The following PPFIA2 variants were observed in gnomAD, a reference collection of about 807,000 sequenced individuals.
The protein encoded by PPFIA2 is PPFI scaffold protein A2, also known as liprin-alpha-2.
A neutral mutation model predicts 175.5 loss-of-function variants in PPFIA2; 46 were observed. The observed-to-expected ratio is 0.26, with a 90% CI of 0.21 to 0.34. The LOEUF (loss-of-function observed/expected upper bound fraction) is 0.34. PPFIA2 is among the 10% of genes least tolerant of loss of function. The pLI, the probability that PPFIA2 is intolerant of heterozygous loss-of-function variation, is 1.00. For missense variants in PPFIA2, 1,179 were observed against 1,506.1 expected (o/e 0.78, Z 3.60); for synonymous variants, 568 against 511.4 (o/e 1.11, Z -1.49).
chr12:81,721,689 C>T (rs563561898), intron 3 of PPFIA2, among the ~76,000 whole-genome samples: 1 of 151,312 alleles, frequency 6.6e-6, no homozygotes, highest in South Asian at 2.1e-4. Flanking sequence ...ATTTTTACTA[C>T]AAGTCTTTTA....
At chr12:81,612,801 TATGTATATGTGTGA>T in intron 4 of PPFIA2, among the ~76,000 whole-genome samples, 1 of 152,380 alleles carries the variant, frequency 6.6e-6, no homozygotes, top group East Asian at 1.9e-4. Context: ...TATATGTGTG[TATGTATATGTGTGA>T]ACATTATCTA....
At chr12:81,530,972 A>G (rs2064453309) in intron 4 of PPFIA2, among the ~76,000 whole-genome samples, 2 of 151,954 alleles carry the variant, frequency 1.3e-5, no homozygotes, top group South Asian at 4.1e-4. Context: ...AGATTTCAAT[A>G]TATTAAGTTA....
At chr12:81,719,536 C>T (rs932136581) in intron 3 of PPFIA2, among the ~76,000 whole-genome samples, 31 of 151,456 alleles carry the variant, frequency 2.0e-4, no homozygotes, top group African/African-American at 6.5e-4. Context: ...CTTCTTCTTC[C>T]TCCTTTTAAA....
chr12:81,589,299 G>T (rs1213122782), intron 4 of PPFIA2, among the ~76,000 whole-genome samples: 4 of 151,994 alleles, frequency 2.6e-5, no homozygotes, highest in Non-Finnish European at 5.9e-5. Context: ...GATTTCTATG[G>T]TTGCTATCAC....
At chr12:81,432,344 C>T (rs1339712211) in intron 7 of PPFIA2, among the ~76,000 whole-genome samples, 1 of 152,118 alleles carries the variant, frequency 6.6e-6, no homozygotes, top group Non-Finnish European at 1.5e-5. Flanking sequence ...TCAAGCGACC[C>T]TCCTGCCTCA....
At chr12:81,597,825 T>C (rs979542551) in intron 4 of PPFIA2, 11 of 939,088 alleles carry the variant, frequency 1.2e-5, no homozygotes, top group Middle Eastern at 2.5e-4. Flanking sequence ...ATGCACATTA[T>C]TCATTCCATA....
chr12:81,668,545 T>G (rs995094934), intron 4 of PPFIA2, among the ~76,000 whole-genome samples: 2 of 152,048 alleles, frequency 1.3e-5, no homozygotes, highest in Non-Finnish European at 2.9e-5. Context: ...AAAATACCAC[T>G]GCTTCTTTCT....
At chr12:81,682,644 T>C (rs904495923) in intron 3 of PPFIA2, among the ~76,000 whole-genome samples, 4 of 152,072 alleles carry the variant, frequency 2.6e-5, no homozygotes, top group Non-Finnish European at 5.9e-5. Flanking sequence ...TGAAGTATTA[T>C]GTATATGTTA....
intron 7 of PPFIA2, among the ~76,000 whole-genome samples, chr12:81,426,155 G>A (rs1349250757): frequency 1.3e-5 from 2 of 152,086 alleles, no homozygotes; most frequent in South Asian, 2.1e-4. Context: ...GTAATTAATC[G>A]ATCATGCTTA....
At chr12:81,384,343 T>C in intron 8 of PPFIA2, 99 bp from the exon 9 acceptor site, 1 of 888,608 alleles carries the variant, frequency 1.1e-6, no homozygotes, top group South Asian at 2.1e-5. Context: ...GCTTTCACAG[T>C]GAGAAATAAG....
chr12:81,580,599 A>C (rs2153427009), intron 4 of PPFIA2, among the ~76,000 whole-genome samples: 1 of 151,628 alleles, frequency 6.6e-6, no homozygotes, highest in South Asian at 2.1e-4. Context: ...CTTTTATGTT[A>C]AAATGCTTAC....
intron 21 of PPFIA2, among the ~76,000 whole-genome samples, chr12:81,329,824 C>T (rs763877089): frequency 6.6e-5 from 10 of 152,174 alleles, no homozygotes; most frequent in Non-Finnish European, 1.2e-4. Context: ...AGTGTCTGAA[C>T]GGTAACTGAG....
chr12:81,646,419 G>A (rs2066087076), intron 4 of PPFIA2, among the ~76,000 whole-genome samples: 1 of 152,040 alleles, frequency 6.6e-6, no homozygotes, highest in Non-Finnish European at 1.5e-5. Context: ...GGCTGGAGGA[G>A]AACTATGAAG....
chr12:81,575,416 C>A (rs2073333174), intron 4 of PPFIA2, among the ~76,000 whole-genome samples: 2 of 151,734 alleles, frequency 1.3e-5, no homozygotes, highest in South Asian at 2.1e-4. Flanking sequence ...CAAAGTGTTT[C>A]ATGAGAAATT....
intron 7 of PPFIA2, among the ~76,000 whole-genome samples, chr12:81,431,598 G>A (rs191573266): frequency 2.2e-4 from 34 of 152,200 alleles, no homozygotes; most frequent in Middle Eastern, 3.4e-3. Context: ...AAGAACATAA[G>A]AAATGCCACA....
intron 7 of PPFIA2, among the ~76,000 whole-genome samples, chr12:81,415,534 G>A (rs763050615): frequency 3.5e-4 from 52 of 148,954 alleles, no homozygotes; most frequent in Non-Finnish European, 6.1e-4. Context: ...AGTCTTTCTT[G>A]TATCTAAATA....
chr12:81,497,039 A>G (rs2060097438), intron 4 of PPFIA2, among the ~76,000 whole-genome samples: 1 of 152,168 alleles, frequency 6.6e-6, no homozygotes, highest in South Asian at 2.1e-4. Context: ...AATCAGTAAT[A>G]AAAAGTTGTC....
intron 9 of PPFIA2, among the ~76,000 whole-genome samples, chr12:81,383,531 A>T (rs781718176): frequency 4.7e-4 from 72 of 152,212 alleles, no homozygotes; most frequent in South Asian, 6.2e-4. Flanking sequence ...AGAAAAAGGG[A>T]TGTTATGTCT....
chr12:81,381,319 C>T (rs778042065), intron 9 of PPFIA2, among the ~76,000 whole-genome samples: 19 of 152,086 alleles, frequency 1.2e-4, no homozygotes, highest in Non-Finnish European at 2.4e-4. Context: ...AATAAAAGAA[C>T]ACCTGGCATC....
Sources: gnomAD v4.1 joint callset for allele counts (sites outside exome capture counted in the v4.1 genomes callset) on GRCh38, gnomAD v4.1.1 for gene constraint, MANE v1.5 for transcripts, NCBI Gene and HGNC (gene_info 2026-07-23, HGNC 2026-07-21) for gene names.